Variants in VIL1 observed in about 807,000 individuals in gnomAD.
The protein encoded by VIL1 is villin 1, also known as villin-1.
In VIL1, 86 loss-of-function variants were observed where a neutral mutation model predicts 104.0. The ratio of observed to expected loss-of-function variants is 0.83; its 90% CI spans 0.69 to 0.99. The LOEUF (loss-of-function observed/expected upper bound fraction) is 0.99. Among genes scored for constraint, VIL1 ranks in the 50% least tolerant of loss-of-function variants. The pLI, the probability that VIL1 is intolerant of heterozygous loss-of-function variation, is 0.00. For synonymous variants in VIL1, 394 were observed against 412.6 expected (o/e 0.95, Z 0.55); for missense variants, 944 against 1,054.1 (o/e 0.90, Z 1.45).
In VIL1 at chr2:218,439,524, A is replaced by AG. The variant is rs749751855; in HGVS notation, c.2229+799dup. Among the ~76,000 whole-genome samples, 4 of 152,136 alleles carry AG rather than the reference A, an allele frequency of 2.6e-5. No individual in the cohort carries two copies. The South Asian group carries it at 6.2e-4, about 24-fold the overall frequency. Reference sequence around the variant, plus strand: ...TCCTTTGGTCTTTCAGTGAGTTAACAGAAGTGTATTTAGGCTGGGCACAGT... The same window carrying AG: ...TCCTTTGGTCTTTCAGTGAGTTAACAGGAAGTGTATTTAGGCTGGGCACAGT... On this transcript the variant is annotated intron_variant, in intron 18 of 19. Transcript: ENST00000248444.
intron 9 of VIL1, 134 bp from the exon 10 acceptor site, chr2:218,430,580 AGCATTGGGATT>A: frequency 1.9e-5 from 20 of 1,033,374 alleles, no homozygotes; most frequent in Non-Finnish European, 2.7e-5. Context: ...GTTGGGGATT[AGCATTGGGATT>A]GGGTTTGGGT....
In VIL1 at chr2:218,428,349, C is replaced by T; in HGVS notation, c.567+12C>T. The stretch of plus-strand genomic sequence containing the variant: ...TGGAGAGACTCAGGGTAAACCTGCC[C>T]ATGCACCACACCTCCCTCTCGAATC... On this transcript the variant is annotated intron_variant, in intron 6 of 19. Coordinates refer to ENST00000248444, the MANE Select transcript of VIL1 (RefSeq NM_007127.3). 1 of 1,607,794 alleles carries T rather than the reference C, an allele frequency of 6.2e-7. No individual in the cohort carries two copies. The highest frequency in any genetic ancestry group is 1.1e-5 in the South Asian group (1 of 90,974).
chr2:218,429,737 A>G, intron 8 of VIL1, 62 bp downstream of exon 8: 2 of 1,609,416 alleles, frequency 1.2e-6, no homozygotes, highest in Non-Finnish European at 1.7e-6. Context: ...TCAAGCAGGA[A>G]AAATTCCAGG....
chr2:218,423,131 C>T (rs1307790518), intron 1 of VIL1, among the ~76,000 whole-genome samples: 3 of 152,246 alleles, frequency 2.0e-5, no homozygotes, highest in African/African-American at 4.8e-5. Flanking sequence ...CACAGTGGCT[C>T]ATGCCTGTAA....
rs1019515141 is a variant in VIL1 at position 218,430,784 on chromosome 2, G to A, written c.1008G>A (p.Gly336=). The change falls in exon 10 of 20, where the codon GGG becomes GGA. Residue 336 remains glycine (G), a synonymous_variant. Transcript: ENST00000248444. ...CACAGGTGGAGGTGCAGAATGATGG[G>A]GCTGAGTCGGCCGTCTTTCAGCAGC... ...PSTQVEVQND[G]AESAVFQQLF... 1 of 1,613,612 alleles carries A rather than the reference G, an allele frequency of 6.2e-7. No individual in the cohort carries two copies. The highest frequency in any genetic ancestry group is 1.7e-5 in the Admixed American group (1 of 59,934).
At chr2:218,426,845 G>A (rs927168895) in intron 4 of VIL1, among the ~76,000 whole-genome samples, 8 of 149,408 alleles carry the variant, frequency 5.4e-5, no homozygotes, top group Non-Finnish European at 7.4e-5. Context: ...CTCATGATCT[G>A]CCCGCCTTGG....
Position 218,449,398 on chromosome 2 carries a change from C to A in VIL1, c.*62C>A. The A allele has an allele frequency of 7.4e-7, 1 of 1,344,756 alleles. No individual in the cohort carries two copies. The highest frequency in any genetic ancestry group is 1.1e-6 in the Non-Finnish European group (1 of 938,090). 83.3% of individuals were successfully genotyped at this position (1,344,756 alleles called of 1,614,324 possible). On this transcript the variant is annotated 3_prime_UTR_variant, in exon 20 of 20. Coordinates refer to ENST00000248444, the MANE Select transcript of VIL1 (RefSeq NM_007127.3). ...TGATTGTAGGGTCTCATTTTCTCAC[C>A]GATATTAGTCCTACACCAATTGAAG... is the stretch of plus-strand genomic sequence containing the variant.
Position 218,434,699 on chromosome 2 carries a change from T to C in VIL1, c.1674T>C (p.Cys558=). Residue 558 remains cysteine (C), a synonymous_variant, in exon 14 of 20, where the codon TGT becomes TGC. Coordinates refer to ENST00000248444, the MANE Select transcript of VIL1 (RefSeq NM_007127.3). The part of the protein sequence containing the change: ...LKTQSCCYLW[C]GKGCSGDERE... Reference sequence around the variant, plus strand: ...CCCAGTCTTGCTGCTATCTATGGTGTGGGAAGGTGTGTTCAGGGTCTAGAG... The same window carrying C: ...CCCAGTCTTGCTGCTATCTATGGTGCGGGAAGGTGTGTTCAGGGTCTAGAG... 2 of 1,612,524 alleles carry C rather than the reference T, an allele frequency of 1.2e-6. No individual in the cohort carries two copies. Among genetic ancestry groups the C allele is most frequent in the Non-Finnish European group, 1.7e-6 (2 of 1,179,176 alleles).
intron 8 of VIL1, 79 bp downstream of exon 8, chr2:218,429,754 G>A: frequency 1.9e-6 from 3 of 1,601,244 alleles, no homozygotes; most frequent in South Asian, 1.1e-5. Flanking sequence ...CAGGGGGCTT[G>A]GGGTGGGCCT....
chr2:218,442,659 T>G (rs900365095), intron 19 of VIL1, among the ~76,000 whole-genome samples: 1 of 152,002 alleles, frequency 6.6e-6, no homozygotes, highest in Admixed American at 6.6e-5. Flanking sequence ...TCAATCCCAC[T>G]TCATGAAGAT....
At chr2:218,423,896 G>T in intron 2 of VIL1, 43 bp downstream of exon 2, 1 of 1,608,646 alleles carries the variant, frequency 6.2e-7, no homozygotes, top group Non-Finnish European at 8.5e-7. Flanking sequence ...GGCCTGGGGT[G>T]GAGGGAGGCA....
At chr2:218,438,876 A>G in intron 18 of VIL1, 150 bp downstream of exon 18, 1 of 622,914 alleles carries the variant, frequency 1.6e-6, no homozygotes, top group Non-Finnish European at 2.7e-6. Context: ...GTTTTACTTC[A>G]GTGCCTCTAG....
chr2:218,424,423 G>GTGGTGTCA, intron 3 of VIL1, 72 bp downstream of exon 3: 1 of 1,503,446 alleles, frequency 6.7e-7, no homozygotes, highest in Non-Finnish European at 9.2e-7. Context: ...GAAACAGGCT[G>GTGGTGTCA]GGGGCCGTGG....
At chr2:218,443,466 A>AT (rs1689316460) in intron 19 of VIL1, among the ~76,000 whole-genome samples, 2 of 151,856 alleles carry the variant, frequency 1.3e-5, no homozygotes, top group South Asian at 4.2e-4. Flanking sequence ...CCAAAGTGCT[A>AT]TTACAAGCAT....
chr2:218,428,477 T>G, intron 6 of VIL1, 140 bp downstream of exon 6: 1 of 710,322 alleles, frequency 1.4e-6, no homozygotes, highest in Non-Finnish European at 2.5e-6. Context: ...GGTGCAGGCA[T>G]GCATGTTGGA....
intron 19 of VIL1, among the ~76,000 whole-genome samples, chr2:218,443,311 G>A (rs1352054720): frequency 6.6e-6 from 1 of 150,754 alleles, no homozygotes; most frequent in Non-Finnish European, 1.5e-5. Flanking sequence ...CGATTCTCCT[G>A]CCTCAGACTC....
At chr2:218,439,398 T>C (rs1689246716) in intron 18 of VIL1, among the ~76,000 whole-genome samples, 1 of 152,184 alleles carries the variant, frequency 6.6e-6, no homozygotes, top group African/African-American at 2.4e-5. Context: ...TTTAAAAAGG[T>C]AATTTCATGT....
At chr2:218,435,191 G>C in intron 14 of VIL1, 98 bp from the exon 15 acceptor site, 1 of 1,530,056 alleles carries the variant, frequency 6.5e-7, no homozygotes, top group Non-Finnish European at 8.9e-7. Flanking sequence ...CCTGACCCAG[G>C]AGAGCCCTCT....
At chr2:218,428,603 C>T (rs4674305) in intron 6 of VIL1, among the ~76,000 whole-genome samples, 70,370 of 152,064 alleles carry the variant, frequency 0.46, 19,430 homozygotes, top group East Asian at 0.77. Flanking sequence ...CATGGACATA[C>T]GTGTGTTTAT....
Sources: allele counts gnomAD v4.1 joint callset (sites outside exome capture counted in the v4.1 genomes callset), GRCh38; gene constraint gnomAD v4.1.1; transcripts MANE v1.5; gene names NCBI Gene and HGNC (gene_info 2026-07-23, HGNC 2026-07-21).